Variants in CADM2 observed in about 807,000 individuals in gnomAD.
The protein encoded by CADM2 is immunoglobulin superfamily member 4D.
CADM2 carries 12 observed loss-of-function variants against 49.8 expected under a neutral mutation model. The ratio of observed to expected loss-of-function variants is 0.24; its 90% CI spans 0.15 to 0.39. The LOEUF (loss-of-function observed/expected upper bound fraction) is 0.39. Among genes scored for constraint, CADM2 ranks in the 10% least tolerant of loss-of-function variants. The pLI, the probability that CADM2 is intolerant of heterozygous loss-of-function variation, is 1.00. For missense variants in CADM2, 378 were observed against 492.3 expected (o/e 0.77, Z 2.20); for synonymous variants, 214 against 175.4 (o/e 1.22, Z -1.74).
intron 1 of CADM2, among the ~76,000 whole-genome samples, chr3:85,390,040 AT>A (rs745566607): frequency 1.3e-5 from 2 of 152,082 alleles, no homozygotes; most frequent in Non-Finnish European, 2.9e-5. Context: ...GTGAATATAC[AT>A]ATAAGAAGGA....
chr3:85,127,321 T>G lies in CADM2; in HGVS notation c.61+167653T>G, dbSNP rs147929225. 3.3e-5 allele frequency among the ~76,000 whole-genome samples: 5 copies of G among 152,264 alleles called. No individual in the cohort carries two copies. The East Asian group carries it at 9.7e-4, about 29-fold the overall frequency. The stretch of plus-strand genomic sequence containing the variant: ...TTTTAGAAAATAGAAACAAAGTCAA[T>G]TTTATTACAATTGTTGTCCTTATAA... On this transcript the variant is annotated intron_variant, in intron 1 of 9. Coordinates refer to ENST00000383699, the MANE Select transcript of CADM2 (RefSeq NM_001167675.2).
At chr3:85,861,870 A>G (rs140960324) in intron 3 of CADM2, among the ~76,000 whole-genome samples, 3,560 of 152,148 alleles carry the variant, frequency 0.023, 60 homozygotes, top group Non-Finnish European at 0.035. Flanking sequence ...AATATCATAA[A>G]TTAATAAAAA....
At chr3:85,658,384 C>G (rs1248160856) in intron 1 of CADM2, among the ~76,000 whole-genome samples, 1 of 151,670 alleles carries the variant, frequency 6.6e-6, no homozygotes, top group African/African-American at 2.4e-5. Flanking sequence ...ATACCTTCAT[C>G]TAGGACTTCT....
chr3:85,225,249 C>T (rs191370476), intron 1 of CADM2, among the ~76,000 whole-genome samples: 3 of 152,192 alleles, frequency 2.0e-5, no homozygotes, highest in Admixed American at 6.5e-5. Context: ...AATGTTCTTC[C>T]GTTTGTATGT....
At chr3:85,997,780 A>T (rs2108729422) in intron 8 of CADM2, among the ~76,000 whole-genome samples, 1 of 152,286 alleles carries the variant, frequency 6.6e-6, no homozygotes, top group African/African-American at 2.4e-5. Flanking sequence ...CACCATCTAG[A>T]AATGCAAGCT....
intron 7 of CADM2, among the ~76,000 whole-genome samples, chr3:85,940,571 T>C (rs1253981956): frequency 6.6e-6 from 1 of 152,122 alleles, no homozygotes; most frequent in African/African-American, 2.4e-5. Context: ...ATAATAGCAA[T>C]GTTAAATTAT....
intron 6 of CADM2, among the ~76,000 whole-genome samples, chr3:85,926,137 A>AAAAT (rs6147941): frequency 0.29 from 42,221 of 143,318 alleles, 6,530 homozygotes; most frequent in Non-Finnish European, 0.35. Context: ...CTCTGTCTCA[A>AAAAT]AAATAAATAA....
intron 1 of CADM2, among the ~76,000 whole-genome samples, chr3:85,651,760 C>T (rs2065047448): frequency 2.6e-5 from 4 of 151,834 alleles, no homozygotes. Context: ...CCTTGGTTTA[C>T]AATACATAAT....
At chr3:86,060,838 C>T (rs1016915062) in intron 8 of CADM2, among the ~76,000 whole-genome samples, 3 of 151,888 alleles carry the variant, frequency 2.0e-5, no homozygotes, top group African/African-American at 2.4e-5. Context: ...AGAAATTAGC[C>T]GGGCGTGGTG....
chr3:85,424,644 G>T (rs901657691), intron 1 of CADM2, among the ~76,000 whole-genome samples: 1 of 152,012 alleles, frequency 6.6e-6, no homozygotes. Context: ...AGCAAAATTT[G>T]CTAATTACAA....
intron 7 of CADM2, among the ~76,000 whole-genome samples, chr3:85,940,428 C>A (rs530328606): frequency 5.9e-5 from 9 of 152,118 alleles, no homozygotes; most frequent in African/African-American, 2.2e-4. Flanking sequence ...ATTTGCTAAT[C>A]ATTATACAGT....
chr3:85,599,562 T>C (rs2063337693), intron 1 of CADM2, among the ~76,000 whole-genome samples: 1 of 152,038 alleles, frequency 6.6e-6, no homozygotes, highest in Admixed American at 6.6e-5. Context: ...CTGTTCCTAA[T>C]GTTAACAATA....
chr3:85,002,980 A>G (rs1244418262), intron 1 of CADM2, among the ~76,000 whole-genome samples: 3 of 151,896 alleles, frequency 2.0e-5, no homozygotes, highest in Non-Finnish European at 4.4e-5. Flanking sequence ...TTCATAATAG[A>G]GATGGGGGTC....
intron 8 of CADM2, chr3:85,994,035 C>G (rs779909338): frequency 1.3e-5 from 2 of 152,178 alleles, no homozygotes; most frequent in Non-Finnish European, 2.9e-5. Flanking sequence ...TTCTTAGAAG[C>G]TTTGAAGTCA....
intron 3 of CADM2, among the ~76,000 whole-genome samples, chr3:85,855,640 A>T (rs993494715): frequency 4.6e-5 from 6 of 129,224 alleles, no homozygotes; most frequent in African/African-American, 5.8e-5. Flanking sequence ...ATATATATAT[A>T]TTTTGAGACG....
At chr3:85,536,319 C>A (rs1028077532) in intron 1 of CADM2, among the ~76,000 whole-genome samples, 1 of 151,646 alleles carries the variant, frequency 6.6e-6, no homozygotes, top group South Asian at 2.1e-4. Context: ...CTGAATAGAC[C>A]AATAACAAAG....
chr3:85,058,772 C>T (rs922482046), intron 1 of CADM2, among the ~76,000 whole-genome samples: 3 of 151,942 alleles, frequency 2.0e-5, no homozygotes, highest in Non-Finnish European at 2.9e-5. Flanking sequence ...AGTATTGGTG[C>T]TTATAACTGA....
intron 1 of CADM2, among the ~76,000 whole-genome samples, chr3:85,609,256 A>G (rs1367881271): frequency 6.6e-6 from 1 of 152,102 alleles, no homozygotes; most frequent in Non-Finnish European, 1.5e-5. Flanking sequence ...TAGGGGCATG[A>G]CATGCACCTG....
chr3:85,069,270 T>A (rs2036636977), intron 1 of CADM2, among the ~76,000 whole-genome samples: 1 of 152,182 alleles, frequency 6.6e-6, no homozygotes, highest in African/African-American at 2.4e-5. Context: ...AGAATTATAA[T>A]TTTAATTTGT....
Sources: allele counts gnomAD v4.1 joint callset (sites outside exome capture counted in the v4.1 genomes callset), GRCh38; gene constraint gnomAD v4.1.1; transcripts MANE v1.5; gene names NCBI Gene and HGNC (gene_info 2026-07-23, HGNC 2026-07-21).